The following MASP1 variants were observed in gnomAD, a reference collection of about 807,000 sequenced individuals.
The protein encoded by MASP1 is mannan-binding lectin serine protease 1.
MASP1 carries 59 observed loss-of-function variants against 77.1 expected under a neutral mutation model. The observed-to-expected ratio is 0.77, with a 90% CI of 0.62 to 0.95. MASP1 has a LOEUF of 0.95. Among genes scored for constraint, MASP1 ranks in the 40% least tolerant of loss-of-function variants. The probability of loss-of-function intolerance (pLI) is 0.00; values close to 1 mark genes in which losing one functional copy is unlikely to be tolerated. For missense variants in MASP1, 885 were observed against 912.9 expected (o/e 0.97, Z 0.39); for synonymous variants, 362 against 354.5 (o/e 1.02, Z -0.24).
intron 2 of MASP1, among the ~76,000 whole-genome samples, chr3:187,275,774 T>G (rs1716913701): frequency 6.1e-5 from 9 of 148,134 alleles, no homozygotes; most frequent in South Asian, 4.6e-4. Flanking sequence ...TTTGCCCCCA[T>G]TCCCTGCCCC....
intron 2 of MASP1, among the ~76,000 whole-genome samples, chr3:187,275,620 A>T (rs1218809960): frequency 6.6e-6 from 1 of 152,128 alleles, no homozygotes; most frequent in East Asian, 1.9e-4. Context: ...AATTAAGTAC[A>T]TTCTATTAGA....
chr3:187,266,592 T>G (rs181439949), intron 2 of MASP1, among the ~76,000 whole-genome samples: 1 of 150,868 alleles, frequency 6.6e-6, no homozygotes, highest in Non-Finnish European at 1.5e-5. Flanking sequence ...GGGTAGGGGG[T>G]GGGTAGAGTA....
In MASP1 at chr3:187,235,180, C is replaced by G; in HGVS notation, c.*504G>C. 1.6e-5 allele frequency: 20 copies of G among 1,287,906 alleles called. No homozygotes were observed. Among genetic ancestry groups the G allele is most frequent in the Non-Finnish European group, 1.9e-5 (19 of 989,154 alleles). The allele number at this position is 1,287,906 out of a possible 1,614,324, so 79.8% of individuals were successfully genotyped here. On this transcript the variant is annotated 3_prime_UTR_variant, in exon 11 of 11. Coordinates refer to ENST00000296280, the MANE Select transcript of MASP1 (RefSeq NM_139125.4). ...TGAGCCATCTCCCAAAACCTGAATG[C>G]TCTTCTCCTAGAGGAAGGATTAGGC...
rs1432722374 is a variant in MASP1 at position 187,236,486 on chromosome 3, G to A, written c.1385C>T (p.Pro462Leu). The A allele has an allele frequency of 1.1e-5, 18 of 1,614,042 alleles. No homozygotes were observed. The highest frequency in any genetic ancestry group is 8.9e-5 in the East Asian group (4 of 44,878). Residue 462 changes from proline to leucine, a missense_variant, in exon 11 of 11, where the codon CCG (proline) becomes CTG (leucine). By Grantham distance (98) the Pro-to-Leu change is moderately conservative (BLOSUM62 -3). Transcript: ENST00000296280. ...GGRNAEPGLF[P>L]WQALIVVEDT... is the part of the protein sequence containing the mutation. ...CTCCACCACTATCAGGGCCTGCCAC[G>A]GGAAGAGGCCAGGCTCAGCATTTCG...
chr3:187,266,867 CT>C (rs752631759), intron 2 of MASP1, among the ~76,000 whole-genome samples: 78 of 152,248 alleles, frequency 5.1e-4, no homozygotes, highest in Non-Finnish European at 9.7e-4. Context: ...GGAAGAACAG[CT>C]ACTCTATGGG....
rs954400162 is a variant in MASP1, at chr3:187,251,582, T to C, written c.1011+52A>G. Reference sequence around the variant, plus strand: ...CATCTGCCCTGGGGAGGGGCAGGTTTCGAGAGTTTCTGTGGCCTGGTCACT... The same window carrying C: ...CATCTGCCCTGGGGAGGGGCAGGTTCCGAGAGTTTCTGTGGCCTGGTCACT... On this transcript the variant is annotated intron_variant, in intron 7 of 10. Transcript: ENST00000296280. The C allele has an allele frequency of 1.7e-5, 24 of 1,391,420 alleles. No individual in the cohort carries two copies. In the Admixed American group the frequency reaches 3.3e-4, roughly 19 times the overall value. 86.2% of individuals were successfully genotyped at this position (1,391,420 alleles called of 1,614,324 possible). A position where few individuals can be genotyped will look rare whatever the true frequency, so the allele number is the denominator to read the frequency against.
At chr3:187,218,485 C>T (rs1203586326) in exon 16 of MASP1, 1 of 152,562 alleles carries the variant, frequency 6.6e-6, no homozygotes, top group African/African-American at 2.4e-5. Context: ...TGCCACCTTC[C>T]CCTTACAGAA....
chr3:187,261,456 C>T (rs554595850), intron 3 of MASP1, among the ~76,000 whole-genome samples: 9 of 152,306 alleles, frequency 5.9e-5, no homozygotes, highest in East Asian at 3.9e-4. Context: ...CAATGGCCAA[C>T]AAGCACATGA....
At chr3:187,276,051 C>T (rs1197173098) in intron 2 of MASP1, among the ~76,000 whole-genome samples, 3 of 151,978 alleles carry the variant, frequency 2.0e-5, no homozygotes, top group African/African-American at 4.8e-5. Flanking sequence ...TCTTCAAACA[C>T]ACCAGGCACT....
At chr3:187,220,179 G>A in exon 16 of MASP1, 1 of 1,614,142 alleles carries the variant, frequency 6.2e-7, no homozygotes, top group South Asian at 1.1e-5. Context: ...AGGACACAGT[G>A]CCCACCAGGT....
intron 2 of MASP1, among the ~76,000 whole-genome samples, chr3:187,273,224 G>A (rs777666166): frequency 6.6e-6 from 1 of 152,148 alleles, no homozygotes; most frequent in Non-Finnish European, 1.5e-5. Context: ...CCCCTTTTGT[G>A]AGGATTCACA....
chr3:187,290,066 A>G (rs4686869), intron 1 of MASP1, among the ~76,000 whole-genome samples: 25,610 of 152,168 alleles, frequency 0.17, 2,178 homozygotes, highest in African/African-American at 0.21. Context: ...GGAAATAGAC[A>G]TTATGCTAGG....
exon 16 of MASP1, chr3:187,217,677 T>C (rs1316848541): frequency 1.3e-5 from 2 of 152,224 alleles, no homozygotes; most frequent in African/African-American, 4.8e-5. Flanking sequence ...TCTGCTTCTA[T>C]GGCTCTGTGA....
At chr3:187,290,220 A>G (rs537781636) in intron 1 of MASP1, among the ~76,000 whole-genome samples, 49 of 152,320 alleles carry the variant, frequency 3.2e-4, no homozygotes, top group African/African-American at 1.2e-3. Context: ...AACAAAGGAC[A>G]AAGGAGGGGA....
At position 187,256,555 on chromosome 3, in the gene MASP1, C is replaced by T. The variant is rs151261573; in HGVS notation, c.744+109G>A. The T allele has an allele frequency of 3.0e-6, 3 of 993,080 alleles. No homozygotes were observed. In the East Asian group the frequency reaches 7.4e-5, roughly 25 times the overall value. 61.5% of individuals were successfully genotyped at this position (993,080 alleles called of 1,614,324 possible). A position where few individuals can be genotyped will look rare whatever the true frequency, so the allele number is the denominator to read the frequency against. ...TAATGCCTTTTTGAGGAACTAGCTG[C>T]TAGGCTCTCTATCCTGGGAGAAGAA... On this transcript the variant is annotated intron_variant, in intron 5 of 10. Coordinates refer to ENST00000296280, the MANE Select transcript of MASP1 (RefSeq NM_139125.4).
At position 187,250,316 on chromosome 3, in the gene MASP1, A is replaced by G; in HGVS notation, c.1025T>C (p.Met342Thr). The part of the protein sequence containing the change: ...GYKVLKDNVE[M>T]DTFQIECLKD... ...CAGACACTCAATCTGGAATGTGTCC[A>G]TCTCCACATTATCCTGGGAAGAGAC... Residue 342 changes from methionine (M) to threonine (T), a missense_variant, in exon 8 of 11, where the codon ATG (methionine) becomes ACG (threonine). By Grantham distance (81) the Met-to-Thr change is moderately conservative. Transcript: ENST00000296280. 1.9e-6 allele frequency: 3 copies of G among 1,613,102 alleles called. No individual in the cohort carries two copies. The highest frequency in any genetic ancestry group is 2.5e-6 in the Non-Finnish European group (3 of 1,179,038).
At chr3:187,241,152 G>C (rs1713600892) in intron 10 of MASP1, among the ~76,000 whole-genome samples, 1 of 152,158 alleles carries the variant, frequency 6.6e-6, no homozygotes, top group Non-Finnish European at 1.5e-5. Flanking sequence ...CATGGTGAGT[G>C]CTTGAGGACA....
At chr3:187,291,417 C>T (rs955910644) in intron 1 of MASP1, 24 of 639,156 alleles carry the variant, frequency 3.8e-5, no homozygotes, top group Non-Finnish European at 5.7e-5. Flanking sequence ...CGAAGTCTCC[C>T]GTTTCAAGTT....
intron 3 of MASP1, among the ~76,000 whole-genome samples, chr3:187,261,517 T>C (rs1053493084): frequency 6.6e-6 from 1 of 152,200 alleles, no homozygotes; most frequent in Admixed American, 6.5e-5. Context: ...TAAACCACAA[T>C]GAGGTACCAC....
Sources: gnomAD v4.1 joint callset for allele counts (sites outside exome capture counted in the v4.1 genomes callset) on GRCh38, gnomAD v4.1.1 for gene constraint, MANE v1.5 for transcripts, NCBI Gene and HGNC (gene_info 2026-07-23, HGNC 2026-07-21) for gene names.